The following NTM variants were observed in gnomAD, a reference collection of about 807,000 sequenced individuals.
The protein encoded by NTM is IgLON family member 2.
NTM carries 13 observed loss-of-function variants against 42.1 expected under a neutral mutation model. The ratio of observed to expected loss-of-function variants is 0.31; its 90% CI spans 0.20 to 0.49. NTM has a LOEUF of 0.49. Ranked by LOEUF, NTM falls within the 20% of genes least tolerant of loss-of-function variation. The pLI is 0.99. For synonymous variants in NTM, 187 were observed against 179.2 expected (o/e 1.04, Z -0.35); for missense variants, 373 against 452.8 (o/e 0.82, Z 1.60).
chr11:131,957,076 T>C (rs2061635441), intron 2 of NTM, among the ~76,000 whole-genome samples: 1 of 152,166 alleles, frequency 6.6e-6, no homozygotes, highest in African/African-American at 2.4e-5. Context: ...GTAACTGAGG[T>C]TTATAGACCT....
intron 4 of NTM, among the ~76,000 whole-genome samples, chr11:132,212,412 G>GTGT (rs1266997313): frequency 6.6e-6 from 1 of 152,194 alleles, no homozygotes; most frequent in Non-Finnish European, 1.5e-5. Context: ...TGGTGGTAAG[G>GTGT]TGTTCTGGGT....
intron 2 of NTM, among the ~76,000 whole-genome samples, chr11:132,064,802 T>C (rs926817196): frequency 6.6e-6 from 1 of 152,190 alleles, no homozygotes; most frequent in African/African-American, 2.4e-5. Context: ...TAAGTGACCA[T>C]GGCCTGGGGT....
At chr11:131,788,753 C>A (rs1344631339) in intron 1 of NTM, among the ~76,000 whole-genome samples, 2 of 152,146 alleles carry the variant, frequency 1.3e-5, no homozygotes, top group African/African-American at 2.4e-5. Flanking sequence ...GTGCTTCTCC[C>A]ACTTTCTTTT....
chr11:132,213,730 C>CTT (rs59685389), intron 4 of NTM, among the ~76,000 whole-genome samples: 11,937 of 80,594 alleles, frequency 0.15, 2,751 homozygotes, highest in East Asian at 0.2. Context: ...GGCCACCATT[C>CTT]TTTTTTTTTT....
chr11:131,423,584 T>G (rs1345833741), intron 1 of NTM, among the ~76,000 whole-genome samples: 1 of 152,158 alleles, frequency 6.6e-6, no homozygotes, highest in Non-Finnish European at 1.5e-5. Flanking sequence ...TGGTAAGTGG[T>G]GGCATGATAG....
intron 1 of NTM, among the ~76,000 whole-genome samples, chr11:131,442,634 C>T (rs1949712605): frequency 6.6e-6 from 1 of 152,088 alleles, no homozygotes; most frequent in Admixed American, 6.6e-5. Context: ...CATGTGTACC[C>T]ATTGCTTAGC....
At chr11:132,104,494 C>G (rs7105319) in intron 2 of NTM, among the ~76,000 whole-genome samples, 1 of 151,320 alleles carries the variant, frequency 6.6e-6, no homozygotes, top group Non-Finnish European at 1.5e-5. Context: ...ACTCACATCT[C>G]TAATTCCAGC....
chr11:131,669,587 C>T (rs1292851651), intron 1 of NTM, among the ~76,000 whole-genome samples: 3 of 152,072 alleles, frequency 2.0e-5, no homozygotes, highest in Non-Finnish European at 2.9e-5. Context: ...GGGAGGGCAA[C>T]GTCACTCAGC....
chr11:131,897,403 C>A (rs868318491), intron 1 of NTM, among the ~76,000 whole-genome samples: 1 of 152,230 alleles, frequency 6.6e-6, no homozygotes, highest in Non-Finnish European at 1.5e-5. Context: ...AAGTTTACAT[C>A]ACTGTGCAAA....
Position 132,069,664 on chromosome 11 carries a change from G to A in NTM, c.168-76618G>A, listed in dbSNP as rs1286268167. On this transcript the variant is annotated intron_variant, in intron 2 of 8. Transcript: ENST00000683400. ...ACAGGTCACCCAGCCAAGTTAACAC[G>A]TCACACTGACCATCACAGGTTAGTT... 6.9e-4 allele frequency among the ~76,000 whole-genome samples: 98 copies of A among 141,024 alleles called. 1 individual carries two copies. Among genetic ancestry groups the A allele is most frequent in the Middle Eastern group, 4.4e-3 (1 of 228 alleles). The allele number at this position is 141,024 out of a possible 152,430, so 92.5% of individuals were successfully genotyped here. A position where few individuals can be genotyped will look rare whatever the true frequency, so the allele number is the denominator to read the frequency against.
At chr11:131,732,235 A>G (rs778749391) in intron 1 of NTM, among the ~76,000 whole-genome samples, 2 of 152,098 alleles carry the variant, frequency 1.3e-5, no homozygotes, top group African/African-American at 2.4e-5. Context: ...TATTCACCCA[A>G]TTGTCTGAGC....
intron 2 of NTM, among the ~76,000 whole-genome samples, chr11:131,946,738 A>G (rs1376596996): frequency 1.3e-5 from 2 of 152,184 alleles, no homozygotes; most frequent in Non-Finnish European, 2.9e-5. Flanking sequence ...TATCAACAAT[A>G]TGCTCCCATG....
intron 2 of NTM, among the ~76,000 whole-genome samples, chr11:131,941,384 C>A (rs2059776381): frequency 6.6e-6 from 1 of 152,142 alleles, no homozygotes; most frequent in South Asian, 2.1e-4. Context: ...AGCAAAAGAG[C>A]CATGGGGATA....
chr11:131,589,817 G>A (rs2137271636), intron 1 of NTM, among the ~76,000 whole-genome samples: 1 of 152,312 alleles, frequency 6.6e-6, no homozygotes, highest in South Asian at 2.1e-4. Flanking sequence ...GCCTCACCTG[G>A]TGTCCCTTAG....
At chr11:131,976,853 C>T (rs2064460211) in intron 2 of NTM, among the ~76,000 whole-genome samples, 1 of 152,166 alleles carries the variant, frequency 6.6e-6, no homozygotes, top group South Asian at 2.1e-4. Flanking sequence ...TAATTCTGCT[C>T]CCTCCGGAGC....
At chr11:132,169,320 CTTTTTTTTTTTT>C (rs567723794) in intron 3 of NTM, among the ~76,000 whole-genome samples, 392 of 32,388 alleles carry the variant, frequency 0.012, 5 homozygotes, top group African/African-American at 0.037. Context: ...AATTTTTTTA[CTTTTTTTTTTTT>C]TTTTTTTTTT....
chr11:131,387,767 C>T (rs1455873437), intron 1 of NTM, among the ~76,000 whole-genome samples: 1 of 152,006 alleles, frequency 6.6e-6, no homozygotes, highest in African/African-American at 2.4e-5. Context: ...TCAATAAAAA[C>T]ATTTGTAAAA....
intron 1 of NTM, among the ~76,000 whole-genome samples, chr11:131,738,525 A>G: frequency 6.6e-6 from 1 of 152,228 alleles, no homozygotes; most frequent in Non-Finnish European, 1.5e-5. Flanking sequence ...ATGAAAGTGA[A>G]GTGGCTTTTA....
chr11:131,833,190 G>A (rs1347751835), intron 1 of NTM, among the ~76,000 whole-genome samples: 2 of 152,136 alleles, frequency 1.3e-5, no homozygotes, highest in African/African-American at 2.4e-5. Context: ...TGTGATTTTT[G>A]TATTGAAGAA....
Sources: allele counts gnomAD v4.1 joint callset (sites outside exome capture counted in the v4.1 genomes callset), GRCh38; gene constraint gnomAD v4.1.1; transcripts MANE v1.5; gene names NCBI Gene and HGNC (gene_info 2026-07-23, HGNC 2026-07-21).